Variants in XPC observed in about 807,000 individuals in gnomAD.
XPC encodes the protein DNA repair protein complementing XP-C cells.
Under a neutral mutation model 95.8 loss-of-function variants are expected in XPC, and 76 were observed. The observed-to-expected ratio is 0.79, with a 90% CI of 0.66 to 0.96. XPC has a LOEUF of 0.96. Among genes scored for constraint, XPC ranks in the 40% least tolerant of loss-of-function variants. The pLI, the probability that XPC is intolerant of heterozygous loss-of-function variation, is 0.00. For synonymous variants in XPC, 442 were observed against 442.1 expected, an observed-to-expected ratio of 1.00 and a Z score of 0.00; for missense variants, 1,146 against 1,179.8, an observed-to-expected ratio of 0.97 and a Z score of 0.42.
In XPC at chr3:14,158,448, C is replaced by T; in HGVS notation, c.1435G>A (p.Gly479Arg). 6.2e-7 allele frequency: 1 copy of T among 1,613,682 alleles called. No homozygotes were observed. Among genetic ancestry groups the T allele is most frequent in the Non-Finnish European group, 8.5e-7 (1 of 1,179,720 alleles). The change falls in exon 9 of 16, where the codon GGG (glycine) becomes AGG (arginine). Residue 479 changes from glycine (G) to arginine (R), a missense_variant. Coordinates refer to ENST00000285021, the MANE Select transcript of XPC (RefSeq NM_004628.5). This position sits in a 1 kb window ranked among gnomAD's most constrained non-coding sequence, Gnocchi z 5.2. ...TGGGTCCTGGAGGCACTCTTGGACC[C>T]AGCCTTTGTCCTCTGAGGAGCGGGG... ...KAPAPQRTKAGSKSASRTHRG... is the reference protein window; with the variant it reads ...KAPAPQRTKARSKSASRTHRG...
intron 15 of XPC, among the ~76,000 whole-genome samples, chr3:14,146,658 C>T (rs1043579756): frequency 8.5e-5 from 13 of 152,136 alleles, no homozygotes; most frequent in Non-Finnish European, 1.5e-4. Flanking sequence ...GGCTTTTCTC[C>T]ACCAGAGGGA....
chr3:14,178,302 G>C, intron 1 of XPC, 164 bp downstream of exon 1: 2 of 749,044 alleles, frequency 2.7e-6, no homozygotes, highest in East Asian at 3.1e-5. Context: ...AAAGACGCGG[G>C]GACAGCGGGG....
chr3:14,159,938 C>G, intron 7 of XPC, 108 bp from the exon 8 acceptor site: 1 of 1,108,504 alleles, frequency 9.0e-7, no homozygotes, highest in Non-Finnish European at 1.3e-6. Context: ...AAGCTGGAAA[C>G]AGCCAGACTG....
intron 10 of XPC, among the ~76,000 whole-genome samples, chr3:14,155,437 TA>T (rs1247253901): frequency 6.6e-6 from 1 of 152,164 alleles, no homozygotes; most frequent in East Asian, 1.9e-4. Context: ...AAAATTGTAT[TA>T]ACATTTTTCA....
At chr3:14,159,902 T>C (rs1168175663) in intron 7 of XPC, 72 bp from the exon 8 acceptor site, 3 of 1,420,888 alleles carry the variant, frequency 2.1e-6, no homozygotes, top group African/African-American at 2.8e-5. Context: ...ATGTTGTTTG[T>C]TATGGTGCTT....
At chr3:14,154,876 T>C (rs1446757718) in intron 10 of XPC, among the ~76,000 whole-genome samples, 3 of 75,364 alleles carry the variant, frequency 4.0e-5, no homozygotes, top group African/African-American at 1.6e-4. Flanking sequence ...ATAAAAAATT[T>C]ATAAATATTT....
In XPC at chr3:14,168,310, C is replaced by T. The variant is rs769513330; in HGVS notation, c.483G>A (p.Lys161=). The part of the protein sequence containing the change: ...TAFSRSLLPV[K]PVEIEIETPE... The stretch of plus-strand genomic sequence containing the variant: ...GCGTTTCAATCTCTATCTCCACTGG[C>T]TTCACAGGCAGAAGAGATCGAGAGA... Residue 161 remains lysine, a synonymous_variant, in exon 4 of 16, where the codon AAG becomes AAA. Transcript: ENST00000285021. 40 of 1,613,762 alleles carry T rather than the reference C, an allele frequency of 2.5e-5. No homozygotes were observed. Among genetic ancestry groups the T allele is most frequent in the Admixed American group, 3.3e-5 (2 of 59,996 alleles).
intron 14 of XPC, chr3:14,147,653 A>G: frequency 1.7e-6 from 1 of 596,594 alleles, no homozygotes; most frequent in Non-Finnish European, 2.9e-6. Flanking sequence ...AGGCAATTCA[A>G]GACAGAGGCA....
In XPC at chr3:14,164,888, T is replaced by C; in HGVS notation, c.825A>G (p.Glu275=). 1.2e-6 allele frequency: 2 copies of C among 1,612,686 alleles called. No individual in the cohort carries two copies. Among genetic ancestry groups the C allele is most frequent in the Non-Finnish European group, 1.7e-6 (2 of 1,179,336 alleles). ...FTVNAELSAS[E]QDNLQTTLER... ...CCAATGTAGTCTGCAGGTTATCTTG[T>C]TCACTGGCTGAAAGTTCTGCATTAA... Residue 275 remains glutamate (E), a synonymous_variant, in exon 7 of 16, where the codon GAA becomes GAG. Coordinates refer to ENST00000285021, the MANE Select transcript of XPC (RefSeq NM_004628.5).
At chr3:14,152,538 C>T (rs531578386) in intron 10 of XPC, 122 bp from the exon 11 acceptor site, 105 of 915,710 alleles carry the variant, frequency 1.1e-4, no homozygotes, top group Non-Finnish European at 1.5e-4. Context: ...TGGAGCAGGC[C>T]GAGCTCCTAG....
chr3:14,156,088 AT>A (rs1695892250), intron 10 of XPC, among the ~76,000 whole-genome samples: 1 of 151,762 alleles, frequency 6.6e-6, no homozygotes, highest in Non-Finnish European at 1.5e-5. Flanking sequence ...CTTAAATTTT[AT>A]TTTTCCTACT....
intron 2 of XPC, 95 bp downstream of exon 2, chr3:14,172,772 G>T: frequency 1.5e-6 from 2 of 1,346,250 alleles, no homozygotes; most frequent in Non-Finnish European, 1.0e-6. Flanking sequence ...ATCTTCCATG[G>T]ACCCCAGTGA....
At chr3:14,154,822 T>C (rs1198582186) in intron 10 of XPC, among the ~76,000 whole-genome samples, 1 of 22,890 alleles carries the variant, frequency 4.4e-5, no homozygotes, top group East Asian at 1.3e-3. Flanking sequence ...ATAAATTTAT[T>C]TATATATATA....
chr3:14,156,613 G>T, intron 9 of XPC, 118 bp from the exon 10 acceptor site: 2 of 1,381,168 alleles, frequency 1.4e-6, no homozygotes, highest in Non-Finnish European at 2.0e-6. Context: ...AAGGTTTCAT[G>T]AACACTAATG....
At chr3:14,159,904 ATGGTG>A (rs1413174161) in intron 7 of XPC, 74 bp from the exon 8 acceptor site, 2 of 1,416,268 alleles carry the variant, frequency 1.4e-6, no homozygotes, top group African/African-American at 2.8e-5. Context: ...GTTGTTTGTT[ATGGTG>A]CTTGTTCAAG....
At chr3:14,153,370 T>G (rs1695775844) in intron 10 of XPC, 1 of 152,260 alleles carries the variant, frequency 6.6e-6, no homozygotes, top group East Asian at 1.9e-4. Flanking sequence ...AATATGCACT[T>G]GGGAGAAACT....
intron 2 of XPC, 38 bp from the exon 3 acceptor site, chr3:14,170,588 CA>C (rs1696571429): frequency 6.7e-7 from 1 of 1,499,564 alleles, no homozygotes; most frequent in Non-Finnish European, 9.1e-7. Flanking sequence ...GAAGAAGACT[CA>C]GACATCCTAG....
chr3:14,148,418 CT>C (rs1327081539), intron 13 of XPC, 143 bp downstream of exon 13: 2 of 1,148,292 alleles, frequency 1.7e-6, no homozygotes, highest in Non-Finnish European at 2.4e-6. Flanking sequence ...AAAGCACTGA[CT>C]TTGCAAATCC....
At chr3:14,160,076 T>C (rs1172587463) in intron 7 of XPC, among the ~76,000 whole-genome samples, 1 of 152,196 alleles carries the variant, frequency 6.6e-6, no homozygotes, top group Admixed American at 6.5e-5. Context: ...TTAAAAAGTA[T>C]GATGTGATTA....
Sources: allele counts gnomAD v4.1 joint callset (sites outside exome capture counted in the v4.1 genomes callset), GRCh38; gene constraint gnomAD v4.1.1; non-coding constraint Gnocchi (gnomAD v3.1); transcripts MANE v1.5; gene names NCBI Gene and HGNC (gene_info 2026-07-23, HGNC 2026-07-21).